Variants in NRXN1 observed in about 807,000 individuals in gnomAD.
NRXN1 encodes neurexin-1.
A neutral mutation model predicts 150.9 loss-of-function variants in NRXN1; 39 were observed. The observed-to-expected ratio is 0.26, with a 90% CI of 0.20 to 0.34. The LOEUF (loss-of-function observed/expected upper bound fraction) is 0.34, where lower values mean the gene tolerates loss of function less well. NRXN1 is among the 10% of genes least tolerant of loss of function. The pLI is 1.00. For synonymous variants in NRXN1, 924 were observed against 757.0 expected (o/e 1.22, Z -3.62); for missense variants, 1,815 against 1,949.9 (o/e 0.93, Z 1.30).
Position 50,497,705 on chromosome 2 carries a change from G to A in NRXN1, c.2507C>T (p.Ala836Val), listed in dbSNP as rs199557987. 537 of 1,607,870 alleles carry A rather than the reference G, an allele frequency of 3.3e-4. 9 individuals are homozygous for A. The South Asian group carries it at 5.6e-3, about 17-fold the overall frequency. Residue 836 changes from alanine (A) to valine (V), a missense_variant, in exon 14 of 23, where the codon GCA (alanine) becomes GTA (valine). By Grantham distance (64) the Ala-to-Val change is moderately conservative. Coordinates refer to ENST00000401669, the MANE Select transcript of NRXN1 (RefSeq NM_001330078.2). ...DDQQAMTGQM[A>V]GDHTRLEFHN... ...GAACTCCAGCCTAGTATGATCACCTGCCATTTGACCTAAAAGAGAAGATAA... is the reference window on the plus strand; with the variant it reads ...GAACTCCAGCCTAGTATGATCACCTACCATTTGACCTAAAAGAGAAGATAA...
At chr2:50,426,738 C>G (rs534228132) in intron 17 of NRXN1, among the ~76,000 whole-genome samples, 45 of 152,250 alleles carry the variant, frequency 3.0e-4, no homozygotes, top group African/African-American at 1.0e-3. Flanking sequence ...TGACCCATGC[C>G]AAAGAACAGA....
intron 17 of NRXN1, among the ~76,000 whole-genome samples, chr2:50,386,724 A>G (rs960157562): frequency 6.6e-6 from 1 of 152,148 alleles, no homozygotes; most frequent in Non-Finnish European, 1.5e-5. Flanking sequence ...TGTGGAGACA[A>G]ACATATACTT....
At position 50,579,414 on chromosome 2, in the gene NRXN1, A is replaced by T. The variant is rs372266275; in HGVS notation, c.1321-26389T>A. Among the ~76,000 whole-genome samples the T allele has an allele frequency of 3.7e-3, 564 of 152,338 alleles. 5 individuals carry two copies. The highest frequency in any genetic ancestry group is 0.013 in the African/African-American group (538 of 41,580). On this transcript the variant is annotated intron_variant, in intron 8 of 22. Coordinates refer to ENST00000401669, the MANE Select transcript of NRXN1 (RefSeq NM_001330078.2). Reference sequence around the variant, plus strand: ...GGTGGCTGATGCCCGTTATCCTGGTACTTCGGAAGGCCGAGGCAGGAGGAT... The same window carrying T: ...GGTGGCTGATGCCCGTTATCCTGGTTCTTCGGAAGGCCGAGGCAGGAGGAT...
At chr2:50,286,062 G>A (rs952345080) in intron 17 of NRXN1, among the ~76,000 whole-genome samples, 1 of 151,944 alleles carries the variant, frequency 6.6e-6, no homozygotes, top group African/African-American at 2.4e-5. Context: ...ATATTCTTTT[G>A]AAGTATATAT....
chr2:50,515,238 T>C (rs923200120), intron 12 of NRXN1, among the ~76,000 whole-genome samples: 1 of 152,218 alleles, frequency 6.6e-6, no homozygotes. Context: ...TAATGCCTGA[T>C]AATCAGTCAC....
At chr2:50,231,283 T>C (rs2064915016) in intron 18 of NRXN1, among the ~76,000 whole-genome samples, 1 of 152,086 alleles carries the variant, frequency 6.6e-6, no homozygotes, top group South Asian at 2.1e-4. Flanking sequence ...TAGGTGTGCA[T>C]CTATGTATAA....
intron 18 of NRXN1, among the ~76,000 whole-genome samples, chr2:50,159,475 T>A (rs576805588): frequency 1.3e-5 from 2 of 152,294 alleles, no homozygotes; most frequent in South Asian, 4.1e-4. Context: ...CCTATTTCAA[T>A]AATTCAATTT....
chr2:50,049,051 T>C (rs1692279654), intron 21 of NRXN1, among the ~76,000 whole-genome samples: 1 of 152,154 alleles, frequency 6.6e-6, no homozygotes, highest in African/African-American at 2.4e-5. Context: ...GCTCTGAATA[T>C]AAAGAACAGG....
intron 8 of NRXN1, among the ~76,000 whole-genome samples, chr2:50,589,693 T>G (rs1328472704): frequency 2.7e-5 from 1 of 36,682 alleles, no homozygotes; most frequent in African/African-American, 4.5e-5. Flanking sequence ...AATGAGGAAA[T>G]CAAGGCTCAC....
chr2:50,859,838 TTGTGTGTGTGTG>T (rs58904379), intron 5 of NRXN1, among the ~76,000 whole-genome samples: 10 of 147,572 alleles, frequency 6.8e-5, no homozygotes, highest in East Asian at 2.0e-4. Context: ...ACAATTATGT[TTGTGTGTGTGTG>T]TGTGTGTGTG....
At chr2:50,963,774 A>G (rs1042642190) in intron 2 of NRXN1, among the ~76,000 whole-genome samples, 7 of 151,680 alleles carry the variant, frequency 4.6e-5, no homozygotes, top group Non-Finnish European at 1.0e-4. Flanking sequence ...TGAAGAATGT[A>G]TATCTTCCTA....
intron 5 of NRXN1, among the ~76,000 whole-genome samples, chr2:50,685,888 A>G (rs1030109808): frequency 2.0e-5 from 3 of 152,060 alleles, no homozygotes; most frequent in African/African-American, 4.8e-5. Flanking sequence ...GAGCCTGCAT[A>G]CTTGTTGTAG....
intron 17 of NRXN1, among the ~76,000 whole-genome samples, chr2:50,389,153 G>A (rs1248250982): frequency 6.6e-6 from 1 of 151,610 alleles, no homozygotes; most frequent in Non-Finnish European, 1.5e-5. Context: ...CACAGAGCGA[G>A]GCCCTGTCTC....
At chr2:50,802,009 C>T (rs1351620366) in intron 5 of NRXN1, among the ~76,000 whole-genome samples, 2 of 151,998 alleles carry the variant, frequency 1.3e-5, no homozygotes, top group African/African-American at 4.8e-5. Context: ...AAAAATTGTC[C>T]TCTTTGAGAT....
intron 5 of NRXN1, among the ~76,000 whole-genome samples, chr2:50,854,288 T>C (rs1674941669): frequency 6.6e-6 from 1 of 152,078 alleles, no homozygotes; most frequent in Admixed American, 6.6e-5. Context: ...TGGCTAAAAA[T>C]ACGGAATGTA....
At chr2:50,320,705 C>T (rs2075976887) in intron 17 of NRXN1, among the ~76,000 whole-genome samples, 1 of 151,936 alleles carries the variant, frequency 6.6e-6, no homozygotes, top group South Asian at 2.1e-4. Context: ...TGAAATTCAG[C>T]TCAAGCATGT....
At chr2:50,245,164 A>C (rs1384946980) in intron 17 of NRXN1, among the ~76,000 whole-genome samples, 1 of 151,950 alleles carries the variant, frequency 6.6e-6, no homozygotes, top group African/African-American at 2.4e-5. Flanking sequence ...TGAGTTCAAT[A>C]GTTTGAGCTG....
chr2:50,971,156 G>C (rs1244843561), intron 2 of NRXN1, among the ~76,000 whole-genome samples: 1 of 152,060 alleles, frequency 6.6e-6, no homozygotes, highest in East Asian at 1.9e-4. Flanking sequence ...AGGACCAATT[G>C]TTTCATATTT....
Position 51,028,313 on chromosome 2 carries a change from C to T in NRXN1, c.-40G>A. On this transcript the variant is annotated 5_prime_UTR_variant, in exon 2 of 23. Coordinates refer to ENST00000401669, the MANE Select transcript of NRXN1 (RefSeq NM_001330078.2). ...TGCGGCGGGGGGGTGCCGGGGCCGACAGGGTCAAAATGGTCCTGGACACCG... is the reference window on the plus strand; with the variant it reads ...TGCGGCGGGGGGGTGCCGGGGCCGATAGGGTCAAAATGGTCCTGGACACCG... 1 of 1,368,330 alleles carries T rather than the reference C, an allele frequency of 7.3e-7. No homozygotes were observed. Among genetic ancestry groups the T allele is most frequent in the Non-Finnish European group, 9.6e-7 (1 of 1,044,688 alleles). 84.8% of individuals were successfully genotyped at this position (1,368,330 alleles called of 1,614,324 possible).
Sources: allele counts gnomAD v4.1 joint callset (sites outside exome capture counted in the v4.1 genomes callset), GRCh38; gene constraint gnomAD v4.1.1; transcripts MANE v1.5; gene names NCBI Gene and HGNC (gene_info 2026-07-23, HGNC 2026-07-21).